HDAC9: variants seen among roughly 807,000 people sequenced by gnomAD.
The protein encoded by HDAC9 is histone deacetylase 9.
HDAC9 carries 41 observed loss-of-function variants against 139.4 expected under a neutral mutation model. The observed-to-expected ratio is 0.29, with a 90% CI of 0.23 to 0.38. The LOEUF is 0.38. Ranked by LOEUF, HDAC9 falls within the 10% of genes least tolerant of loss-of-function variation. HDAC9 has a pLI of 1.00. For missense variants in HDAC9, 1,147 were observed against 1,297.0 expected (o/e 0.88, Z 1.78); for synonymous variants, 517 against 476.2 (o/e 1.09, Z -1.12).
intron 6 of HDAC9, among the ~76,000 whole-genome samples, chr7:18,624,937 G>A (rs952952584): frequency 5.3e-5 from 8 of 151,966 alleles, no homozygotes; most frequent in African/African-American, 1.5e-4. Flanking sequence ...GAAACATTAA[G>A]TAGGGGCCTT....
chr7:18,814,589 AC>A (rs1157604343), intron 17 of HDAC9, among the ~76,000 whole-genome samples: 1 of 151,706 alleles, frequency 6.6e-6, no homozygotes, highest in African/African-American at 2.4e-5. Flanking sequence ...GTGCATGCTC[AC>A]CCCCCACCCC....
chr7:18,638,214 T>C (rs1031271307), intron 8 of HDAC9, among the ~76,000 whole-genome samples: 4 of 152,084 alleles, frequency 2.6e-5, no homozygotes, highest in Non-Finnish European at 5.9e-5. Flanking sequence ...TAGAAAAGCA[T>C]GTCACCTAAT....
rs117070705 is a variant in HDAC9, at chr7:18,236,719, C to T, written c.25+74370C>T. ...TCAGGAGGTAGTTCATACACTTGGC[C>T]GAATTAAGACTCATGATGTACGGCT... On this transcript the variant is annotated intron_variant, in intron 2 of 12. Coordinates refer to the HDAC9 transcript ENST00000417496. 6.6e-5 allele frequency among the ~76,000 whole-genome samples: 10 copies of T among 152,010 alleles called. No individual in the cohort carries two copies. In the East Asian group the frequency reaches 1.4e-3, roughly 21 times the overall value.
chr7:18,812,062 G>T (rs960506063), intron 17 of HDAC9, among the ~76,000 whole-genome samples: 5 of 151,770 alleles, frequency 3.3e-5, no homozygotes, highest in African/African-American at 1.2e-4. Context: ...TAATGTAAAT[G>T]TCAGGTAAAT....
chr7:18,227,516 T>A (rs1793139975), intron 2 of HDAC9, among the ~76,000 whole-genome samples: 1 of 152,056 alleles, frequency 6.6e-6, no homozygotes, highest in African/African-American at 2.4e-5. Context: ...GCTGCCAATA[T>A]ACAACTATTT....
At chr7:18,314,547 A>G (rs1441494511) in intron 1 of HDAC9, among the ~76,000 whole-genome samples, 1 of 152,216 alleles carries the variant, frequency 6.6e-6, no homozygotes, top group African/African-American at 2.4e-5. Context: ...GTGCATTGGC[A>G]AGAAAATCTA....
intron 22 of HDAC9, among the ~76,000 whole-genome samples, chr7:18,912,549 G>C (rs1397203117): frequency 6.6e-6 from 1 of 151,954 alleles, no homozygotes; most frequent in Non-Finnish European, 1.5e-5. Context: ...GGATTATTTG[G>C]CAGTATCTAG....
chr7:18,230,034 A>G (rs546042491), intron 2 of HDAC9, among the ~76,000 whole-genome samples: 1 of 152,302 alleles, frequency 6.6e-6, no homozygotes, highest in South Asian at 2.1e-4. Context: ...ATTATTGCTT[A>G]AGTTTAGTGT....
rs147971717 is a variant in HDAC9, at chr7:18,425,784, C to T, written c.-41-70478C>T. Among the ~76,000 whole-genome samples the T allele has an allele frequency of 6.4e-3, 974 of 152,280 alleles. 12 individuals carry two copies. The highest frequency in any genetic ancestry group is 0.011 in the Non-Finnish European group (768 of 68,012). Reference sequence around the variant, plus strand: ...TGCAAGGTTTGGGCCCTTTCTAGAACGAACTGCAAGTCCCTTTAACAATAT... The same window carrying T: ...TGCAAGGTTTGGGCCCTTTCTAGAATGAACTGCAAGTCCCTTTAACAATAT... On this transcript the variant is annotated intron_variant, in intron 1 of 3. Coordinates refer to the HDAC9 transcript ENST00000413509.
chr7:18,481,823 C>G (rs1795573818), intron 1 of HDAC9, among the ~76,000 whole-genome samples: 1 of 152,090 alleles, frequency 6.6e-6, no homozygotes, highest in African/African-American at 2.4e-5. Context: ...AGATTACTTG[C>G]CTTGTGTAGT....
At chr7:18,659,687 C>T (rs1337119890) in intron 11 of HDAC9, among the ~76,000 whole-genome samples, 2 of 152,168 alleles carry the variant, frequency 1.3e-5, no homozygotes, top group Non-Finnish European at 2.9e-5. Context: ...AGAAGCTGTG[C>T]AGCTGCCCTC....
At chr7:18,176,899 G>A (rs78218418) in intron 2 of HDAC9, among the ~76,000 whole-genome samples, 2,914 of 152,126 alleles carry the variant, frequency 0.019, 100 homozygotes, top group African/African-American at 0.066. Flanking sequence ...AACAGGTCGT[G>A]GTATGTCAAT....
At chr7:18,600,455 C>T (rs1833655287) in intron 6 of HDAC9, among the ~76,000 whole-genome samples, 1 of 152,146 alleles carries the variant, frequency 6.6e-6, no homozygotes, top group Non-Finnish European at 1.5e-5. Context: ...GAGAAACTTT[C>T]AATGAAAAGA....
chr7:18,743,157 G>C (rs558553287), intron 13 of HDAC9, among the ~76,000 whole-genome samples: 1 of 151,842 alleles, frequency 6.6e-6, no homozygotes, highest in South Asian at 2.1e-4. Context: ...AATTGTGTTT[G>C]GCTTCACTTT....
At chr7:18,439,560 A>G (rs1791547927) in intron 1 of HDAC9, among the ~76,000 whole-genome samples, 1 of 152,128 alleles carries the variant, frequency 6.6e-6, no homozygotes, top group Non-Finnish European at 1.5e-5. Context: ...TCATTACTCG[A>G]AGGAACCCTG....
chr7:18,243,286 A>T (rs557431764), intron 2 of HDAC9, among the ~76,000 whole-genome samples: 1 of 152,346 alleles, frequency 6.6e-6, no homozygotes, highest in Non-Finnish European at 1.5e-5. Context: ...ACTATTCTTG[A>T]CTTCCTTTTC....
chr7:18,848,213 C>T (rs1381087184), intron 21 of HDAC9, among the ~76,000 whole-genome samples: 1 of 152,008 alleles, frequency 6.6e-6, no homozygotes, highest in African/African-American at 2.4e-5. Context: ...TTAAGGAGGC[C>T]CTATACAAAT....
intron 1 of HDAC9, among the ~76,000 whole-genome samples, chr7:18,333,934 TAATAAA>T (rs2128651211): frequency 6.6e-6 from 1 of 151,336 alleles, no homozygotes; most frequent in South Asian, 2.1e-4. Context: ...ATATAAATTA[TAATAAA>T]AATAGAAATT....
intron 2 of HDAC9, among the ~76,000 whole-genome samples, chr7:18,235,558 A>T (rs1248208734): frequency 2.0e-5 from 3 of 152,182 alleles, no homozygotes; most frequent in African/African-American, 7.2e-5. Context: ...TACAAGAAAA[A>T]ATATTTATAT....
Sources: gnomAD v4.1 joint callset for allele counts (sites outside exome capture counted in the v4.1 genomes callset) on GRCh38, gnomAD v4.1.1 for gene constraint, MANE v1.5 for transcripts, NCBI Gene and HGNC (gene_info 2026-07-23, HGNC 2026-07-21) for gene names.